ZNF804B: variants seen among roughly 807,000 people sequenced by gnomAD.
ZNF804B encodes zinc finger 804B.
In ZNF804B, 80 loss-of-function variants were observed where a neutral mutation model predicts 101.4. The observed-to-expected ratio is 0.79, with a 90% CI of 0.66 to 0.95. The LOEUF is 0.95. Ranked by LOEUF, ZNF804B falls within the 40% of genes least tolerant of loss-of-function variation. ZNF804B has a pLI of 0.00. For missense variants in ZNF804B, 1,673 were observed against 1,561.9 expected (o/e 1.07, Z -1.20); for synonymous variants, 622 against 558.8 (o/e 1.11, Z -1.59).
At chr7:88,808,008 GC>G (rs1465206292) in intron 1 of ZNF804B, among the ~76,000 whole-genome samples, 1 of 152,168 alleles carries the variant, frequency 6.6e-6, no homozygotes, top group East Asian at 1.9e-4. Flanking sequence ...GCAGCATGGT[GC>G]CTCTGATGCA....
chr7:88,825,484 C>T (rs995503768), intron 1 of ZNF804B, among the ~76,000 whole-genome samples: 10 of 152,028 alleles, frequency 6.6e-5, no homozygotes, highest in African/African-American at 1.9e-4. Context: ...GCATGCTCCC[C>T]AGCCTGCTAC....
At chr7:89,061,026 T>A (rs1285437225) in intron 1 of ZNF804B, among the ~76,000 whole-genome samples, 7 of 152,108 alleles carry the variant, frequency 4.6e-5, no homozygotes, top group African/African-American at 1.7e-4. Context: ...GTGCACACAA[T>A]TACCAACCGT....
intron 2 of ZNF804B, among the ~76,000 whole-genome samples, chr7:89,226,307 T>C (rs1204485140): frequency 6.6e-6 from 1 of 152,096 alleles, no homozygotes; most frequent in Non-Finnish European, 1.5e-5. Flanking sequence ...TATTTATGTA[T>C]AAGGATATTT....
Position 89,334,938 on chromosome 7 carries a change from A to G in ZNF804B, c.1956A>G (p.Arg652=), listed in dbSNP as rs746396218. Residue 652 remains arginine (R), a synonymous_variant, in exon 4 of 4, where the codon AGA becomes AGG. Transcript: ENST00000333190. ...CSPHLEFEDE[R]QFNCKSSPCT... ...CTCATTTGGAATTTGAAGATGAAAG[A>G]CAATTCAACTGCAAGTCCAGTCCTT... 1.2e-5 allele frequency: 19 copies of G among 1,613,806 alleles called. No individual in the cohort carries two copies. Among genetic ancestry groups the G allele is most frequent in the Non-Finnish European group, 1.6e-5 (19 of 1,179,910 alleles).
At position 89,333,894 on chromosome 7, in the gene ZNF804B, A is replaced by G. The variant is rs1791028398; in HGVS notation, c.912A>G (p.Gln304=). The change falls in exon 4 of 4, where the codon CAA becomes CAG. Residue 304 remains glutamine (Q), a synonymous_variant. Coordinates refer to ENST00000333190, the MANE Select transcript of ZNF804B (RefSeq NM_181646.5). ...TCTCCATAAACTCTAAAATTTTGCA[A>G]GACAAACACGACTCTATTGATGAGA... is the stretch of plus-strand genomic sequence containing the variant. ...NTISINSKIL[Q]DKHDSIDETL... 4 of 1,613,182 alleles carry G rather than the reference A, an allele frequency of 2.5e-6. No individual in the cohort carries two copies. Among genetic ancestry groups the G allele is most frequent in the Non-Finnish European group, 3.4e-6 (4 of 1,179,536 alleles).
chr7:89,283,101 A>C (rs979210889), intron 2 of ZNF804B, among the ~76,000 whole-genome samples: 3 of 152,330 alleles, frequency 2.0e-5, no homozygotes, highest in Admixed American at 1.3e-4. Flanking sequence ...ATACTCTGAA[A>C]AGACAAAAAT....
chr7:88,826,759 G>T (rs1285218457), intron 1 of ZNF804B, among the ~76,000 whole-genome samples: 1 of 151,996 alleles, frequency 6.6e-6, no homozygotes, highest in Non-Finnish European at 1.5e-5. Context: ...AATATATTTT[G>T]CATAGGTTAC....
chr7:89,158,543 C>A (rs1313637933), intron 1 of ZNF804B, among the ~76,000 whole-genome samples: 4 of 151,750 alleles, frequency 2.6e-5, no homozygotes. Flanking sequence ...TCTGCTTCAC[C>A]CTTACCTAAT....
chr7:88,950,712 T>C (rs1434655306), intron 1 of ZNF804B, among the ~76,000 whole-genome samples: 1 of 151,884 alleles, frequency 6.6e-6, no homozygotes, highest in Non-Finnish European at 1.5e-5. Context: ...TTGCTACCCA[T>C]ATTTGAATTC....
intron 1 of ZNF804B, among the ~76,000 whole-genome samples, chr7:88,962,625 A>T (rs1321955934): frequency 2.0e-5 from 3 of 148,136 alleles, no homozygotes; most frequent in African/African-American, 7.4e-5. Context: ...TATTTCATTT[A>T]TGGATGTGTG....
intron 1 of ZNF804B, among the ~76,000 whole-genome samples, chr7:89,113,857 G>A (rs1042902844): frequency 6.6e-6 from 1 of 151,810 alleles, no homozygotes; most frequent in African/African-American, 2.4e-5. Flanking sequence ...GCTGAGGCAC[G>A]AGAATCGCTT....
intron 2 of ZNF804B, among the ~76,000 whole-genome samples, chr7:89,233,425 T>A (rs1416059287): frequency 6.6e-6 from 1 of 152,168 alleles, no homozygotes. Context: ...TTTTATGAAA[T>A]CCTCTTTTGA....
At chr7:89,054,354 C>G (rs1365920034) in intron 1 of ZNF804B, among the ~76,000 whole-genome samples, 2 of 149,060 alleles carry the variant, frequency 1.3e-5, no homozygotes, top group South Asian at 4.2e-4. Flanking sequence ...TATATTCTTA[C>G]TATATATGAA....
At chr7:89,119,037 A>G (rs368189163) in intron 1 of ZNF804B, among the ~76,000 whole-genome samples, 2 of 152,166 alleles carry the variant, frequency 1.3e-5, no homozygotes, top group African/African-American at 2.4e-5. Context: ...TTATAAGCCA[A>G]TTGTATCAGT....
intron 1 of ZNF804B, among the ~76,000 whole-genome samples, chr7:88,854,822 T>G (rs62462055): frequency 0.041 from 5,909 of 143,284 alleles, 135 homozygotes; most frequent in Non-Finnish European, 0.047. Context: ...TTCTCAGTGT[T>G]CAATTCCCAC....
intron 1 of ZNF804B, among the ~76,000 whole-genome samples, chr7:88,904,255 T>C (rs1299888905): frequency 6.6e-6 from 1 of 152,142 alleles, no homozygotes; most frequent in Non-Finnish European, 1.5e-5. Context: ...AAAGATCAGA[T>C]AGTTTTAGGT....
At chr7:88,989,161 T>A (rs1355114724) in intron 1 of ZNF804B, among the ~76,000 whole-genome samples, 1 of 151,340 alleles carries the variant, frequency 6.6e-6, no homozygotes, top group Non-Finnish European at 1.5e-5. Context: ...TAGCTAGGAC[T>A]TAATTTTTTG....
At chr7:89,092,187 A>G (rs1789899575) in intron 1 of ZNF804B, among the ~76,000 whole-genome samples, 1 of 151,288 alleles carries the variant, frequency 6.6e-6, no homozygotes, top group South Asian at 2.1e-4. Flanking sequence ...GGTGAAATAA[A>G]CAAAGGATTT....
At chr7:89,101,461 G>T (rs1250705479) in intron 1 of ZNF804B, among the ~76,000 whole-genome samples, 2 of 151,720 alleles carry the variant, frequency 1.3e-5, no homozygotes, top group African/African-American at 4.8e-5. Flanking sequence ...TATAAAATTG[G>T]ATCTACTTAT....
Sources: gnomAD v4.1 joint callset for allele counts (sites outside exome capture counted in the v4.1 genomes callset) on GRCh38, gnomAD v4.1.1 for gene constraint, MANE v1.5 for transcripts, NCBI Gene and HGNC (gene_info 2026-07-23, HGNC 2026-07-21) for gene names.